The following SMYD3 variants were observed in gnomAD, a reference collection of about 807,000 sequenced individuals.
The protein encoded by SMYD3 is SET and MYND domain containing 3.
SMYD3 carries 36 observed loss-of-function variants against 57.7 expected under a neutral mutation model. The ratio of observed to expected loss-of-function variants is 0.62; its 90% CI spans 0.48 to 0.82. The LOEUF is 0.82. Among genes scored for constraint, SMYD3 ranks in the 40% least tolerant of loss-of-function variants. The pLI is 0.00. For synonymous variants in SMYD3, 211 were observed against 195.0 expected (o/e 1.08, Z -0.68); for missense variants, 515 against 538.8 (o/e 0.96, Z 0.44).
intron 5 of SMYD3, among the ~76,000 whole-genome samples, chr1:246,167,259 A>C (rs1045833561): frequency 6.6e-6 from 1 of 152,110 alleles, no homozygotes; most frequent in Admixed American, 6.5e-5. Context: ...TATGTATGTG[A>C]AATTAAGTAT....
intron 5 of SMYD3, among the ~76,000 whole-genome samples, chr1:246,258,170 G>A (rs1780792): frequency 6.6e-6 from 1 of 152,050 alleles, no homozygotes; most frequent in East Asian, 1.9e-4. Flanking sequence ...CCGAGTAGCT[G>A]GGATTACAGG....
In SMYD3 at chr1:246,463,672, A is replaced by AAC. The variant is rs1169875829; in HGVS notation, c.164+43381_164+43382insGT. 4.7e-5 allele frequency among the ~76,000 whole-genome samples: 7 copies of AAC among 148,582 alleles called. No individual in the cohort carries two copies. In the East Asian group the frequency reaches 1.2e-3, roughly 25 times the overall value. ...CTCTACTAAAAATACAAAAAAAAAA[A>AAC]AAAAAAAAAAAACATTAGCTGGGTG... is the stretch of plus-strand genomic sequence containing the variant. On this transcript the variant is annotated intron_variant, in intron 1 of 11. Transcript: ENST00000490107.
intron 8 of SMYD3, among the ~76,000 whole-genome samples, chr1:245,873,855 G>A (rs2052352123): frequency 1.3e-5 from 2 of 152,170 alleles, no homozygotes; most frequent in South Asian, 2.1e-4. Flanking sequence ...TAAGGAGGCC[G>A]GGCCCTGGTA....
rs181852117 is a variant in SMYD3, at chr1:245,754,118, T to C, written c.1186-4454A>G. On this transcript the variant is annotated intron_variant, in intron 11 of 11. Coordinates refer to ENST00000490107, the MANE Select transcript of SMYD3 (RefSeq NM_001167740.2). The stretch of plus-strand genomic sequence containing the variant: ...GCCACATTACAGGCATACAGTTAAC[T>C]CAGTAATAGAGAAAGGGTCCCCAGA... Among the ~76,000 whole-genome samples the C allele has an allele frequency of 3.7e-4, 56 of 152,246 alleles. 1 individual carries two copies. The highest frequency in any genetic ancestry group is 1.6e-3 in the Admixed American group (24 of 15,288).
chr1:245,814,024 AAT>A (rs1352212244), intron 10 of SMYD3, among the ~76,000 whole-genome samples: 2 of 151,792 alleles, frequency 1.3e-5, no homozygotes, highest in African/African-American at 2.4e-5. Flanking sequence ...AAAATTTTAT[AAT>A]AAAGTTTTTA....
intron 5 of SMYD3, among the ~76,000 whole-genome samples, chr1:246,116,664 A>G (rs1023419875): frequency 1.3e-5 from 2 of 152,244 alleles, no homozygotes; most frequent in Non-Finnish European, 2.9e-5. Flanking sequence ...GAAATATAGA[A>G]TATTAATGAG....
intron 5 of SMYD3, among the ~76,000 whole-genome samples, chr1:246,293,095 G>T (rs1182928490): frequency 4.6e-5 from 7 of 151,526 alleles, no homozygotes; most frequent in Non-Finnish European, 1.0e-4. Flanking sequence ...ATACATGGTG[G>T]TAATTATGAG....
At chr1:246,384,937 C>T (rs1300192599) in intron 1 of SMYD3, among the ~76,000 whole-genome samples, 3 of 152,104 alleles carry the variant, frequency 2.0e-5, no homozygotes, top group African/African-American at 7.2e-5. Flanking sequence ...TGGGACATTA[C>T]ATAATATTCT....
At chr1:246,346,694 A>G (rs2065724546) in intron 2 of SMYD3, among the ~76,000 whole-genome samples, 2 of 152,196 alleles carry the variant, frequency 1.3e-5, no homozygotes, top group African/African-American at 2.4e-5. Flanking sequence ...CGATTCAATT[A>G]TCTCCACCTG....
chr1:245,920,086 GTA>G (rs1186514192), intron 7 of SMYD3, among the ~76,000 whole-genome samples: 29 of 152,140 alleles, frequency 1.9e-4, no homozygotes, highest in Non-Finnish European at 2.6e-4. Flanking sequence ...GGCCAAGGCG[GTA>G]GGATCACGAG....
At chr1:245,755,845 T>G (rs909149734) in intron 11 of SMYD3, among the ~76,000 whole-genome samples, 6 of 152,042 alleles carry the variant, frequency 3.9e-5, no homozygotes, top group Non-Finnish European at 2.9e-5. Context: ...GTTCTACTAA[T>G]CTCTGTCTTT....
intron 1 of SMYD3, among the ~76,000 whole-genome samples, chr1:246,399,965 G>C (rs1317891862): frequency 6.6e-6 from 1 of 151,960 alleles, no homozygotes; most frequent in East Asian, 1.9e-4. Flanking sequence ...TCTGACATTA[G>C]CAAGCCATTA....
chr1:246,335,546 C>G, intron 2 of SMYD3, 72 bp from the exon 3 acceptor site: 3 of 1,177,750 alleles, frequency 2.5e-6, no homozygotes, highest in Non-Finnish European at 3.8e-6. Flanking sequence ...TTTTGAACAT[C>G]AAGAGTCATA....
intron 10 of SMYD3, among the ~76,000 whole-genome samples, chr1:245,830,537 G>C (rs1488158177): frequency 6.6e-6 from 1 of 152,200 alleles, no homozygotes; most frequent in Non-Finnish European, 1.5e-5. Context: ...AACCTTATCA[G>C]TGTGTGGGTA....
intron 10 of SMYD3, among the ~76,000 whole-genome samples, chr1:245,795,448 A>C (rs2047483343): frequency 6.6e-6 from 1 of 152,230 alleles, no homozygotes; most frequent in Non-Finnish European, 1.5e-5. Flanking sequence ...TCCAGGAGCC[A>C]AATTCCCAGC....
At chr1:246,375,163 C>T (rs549254722) in intron 1 of SMYD3, among the ~76,000 whole-genome samples, 2 of 152,078 alleles carry the variant, frequency 1.3e-5, no homozygotes, top group Non-Finnish European at 2.9e-5. Context: ...ATGTACTGAT[C>T]AGGTGACAAA....
Position 245,892,777 on chromosome 1 carries a change from C to G in SMYD3, c.813+22753G>C, listed in dbSNP as rs927634265. 2.0e-5 allele frequency among the ~76,000 whole-genome samples: 3 copies of G among 152,216 alleles called. No homozygotes were observed. In the South Asian group the frequency reaches 6.2e-4, roughly 32 times the overall value. On this transcript the variant is annotated intron_variant, in intron 8 of 11. Transcript: ENST00000490107. ...AATGTAAAACCTAAAACTATAAAAT[C>G]TAATATGAAACACAGAAGAAATATC...
At chr1:246,386,905 C>A (rs1442138153) in intron 1 of SMYD3, among the ~76,000 whole-genome samples, 1 of 151,586 alleles carries the variant, frequency 6.6e-6, no homozygotes, top group African/African-American at 2.4e-5. Context: ...AAAAAAAAAA[C>A]CTTTTTGTGC....
intron 1 of SMYD3, among the ~76,000 whole-genome samples, chr1:246,386,651 A>AT (rs2066486406): frequency 6.6e-6 from 1 of 151,792 alleles, no homozygotes; most frequent in Admixed American, 6.6e-5. Context: ...TAAAAAAAAA[A>AT]AAAAATTGTC....
Sources: allele counts gnomAD v4.1 joint callset (sites outside exome capture counted in the v4.1 genomes callset), GRCh38; gene constraint gnomAD v4.1.1; transcripts MANE v1.5; gene names NCBI Gene and HGNC (gene_info 2026-07-23, HGNC 2026-07-21).